The following CDC27 variants were observed in gnomAD, a reference collection of about 807,000 sequenced individuals.
CDC27 encodes cell division cycle protein 27 homolog.
Under a neutral mutation model 109.7 loss-of-function variants are expected in CDC27, and 27 were observed. The observed-to-expected ratio is 0.25, with a 90% CI of 0.18 to 0.34. The LOEUF (loss-of-function observed/expected upper bound fraction) is 0.34. Ranked by LOEUF, CDC27 falls within the 10% of genes least tolerant of loss-of-function variation. The pLI is 1.00. For synonymous variants in CDC27, 266 were observed against 333.9 expected, an observed-to-expected ratio of 0.80 and a Z score of 2.22; for missense variants, 579 against 960.2, an observed-to-expected ratio of 0.60 and a Z score of 5.25.
At chr17:47,156,286 G>A (rs550313556) in intron 7 of CDC27, among the ~76,000 whole-genome samples, 13 of 149,828 alleles carry the variant, frequency 8.7e-5, no homozygotes, top group South Asian at 2.1e-4. Flanking sequence ...CTACAGGCGC[G>A]TGCCACCACA....
intron 1 of CDC27, 63 bp downstream of exon 1, chr17:47,189,083 C>A: frequency 6.4e-7 from 1 of 1,567,970 alleles, no homozygotes; most frequent in Non-Finnish European, 8.8e-7. Flanking sequence ...GCGGAGTGGC[C>A]CTACGCTGCT....
At chr17:47,125,568 TC>T (rs562603775) in intron 16 of CDC27, among the ~76,000 whole-genome samples, 2 of 147,838 alleles carry the variant, frequency 1.4e-5, no homozygotes, top group African/African-American at 5.0e-5. Flanking sequence ...TTTTTTTTTT[TC>T]CCTGAGATGG....
chr17:47,155,364 A>G lies in CDC27; in HGVS notation c.843-578T>C, dbSNP rs11570490. 3.8e-3 allele frequency among the ~76,000 whole-genome samples: 583 copies of G among 152,066 alleles called. 1 individual carries two copies. The highest frequency in any genetic ancestry group is 0.014 in the African/African-American group (565 of 41,478). On this transcript the variant is annotated intron_variant, in intron 7 of 18. Coordinates refer to ENST00000066544, the MANE Select transcript of CDC27 (RefSeq NM_001256.6). The stretch of plus-strand genomic sequence containing the variant: ...GGGTTCAAATGATTCTTGTGCCTCA[A>G]CCCCCAAAGTACCTGGGATTACACG...
At chr17:47,165,633 T>A (rs1282960460) in intron 4 of CDC27, among the ~76,000 whole-genome samples, 1 of 152,204 alleles carries the variant, frequency 6.6e-6, no homozygotes, top group Non-Finnish European at 1.5e-5. Context: ...GTATTTTCAT[T>A]AATGTCTTTT....
chr17:47,142,850 TA>T (rs2062838471), intron 10 of CDC27, among the ~76,000 whole-genome samples: 1 of 152,182 alleles, frequency 6.6e-6, no homozygotes, highest in African/African-American at 2.4e-5. Flanking sequence ...GGTTAATTTT[TA>T]TTTTGGAAGA....
intron 14 of CDC27, among the ~76,000 whole-genome samples, chr17:47,133,010 TATATATATATATATATATAC>T (rs1388987459): frequency 1.9e-4 from 8 of 42,246 alleles, no homozygotes; most frequent in African/African-American, 5.3e-4. Flanking sequence ...TATATATATA[TATATATATATATATATATAC>T]ACACACACAC....
intron 1 of CDC27, among the ~76,000 whole-genome samples, chr17:47,188,487 C>G (rs2149029085): frequency 6.6e-6 from 1 of 152,172 alleles, no homozygotes; most frequent in Non-Finnish European, 1.5e-5. Context: ...TGCTCCTGAT[C>G]CCCATCAGAG....
intron 8 of CDC27, 141 bp from the exon 9 acceptor site, chr17:47,152,059 C>G: frequency 1.8e-6 from 1 of 548,430 alleles, no homozygotes. Context: ...CTATTTATAT[C>G]ATATTGTTAA....
chr17:47,160,509 A>G (rs915789446), intron 4 of CDC27, among the ~76,000 whole-genome samples: 1 of 152,206 alleles, frequency 6.6e-6, no homozygotes, highest in African/African-American at 2.4e-5. Flanking sequence ...TACAGGCGTG[A>G]GCCACAGCAC....
chr17:47,122,108 T>C (rs535444092), intron 18 of CDC27, among the ~76,000 whole-genome samples: 1 of 152,242 alleles, frequency 6.6e-6, no homozygotes, highest in South Asian at 2.1e-4. Flanking sequence ...TCAGAATTTA[T>C]CTTGTCAGAA....
chr17:47,171,958 T>C lies in CDC27; in HGVS notation c.210A>G (p.Gln70=), dbSNP rs144676189. Residue 70 remains glutamine (Q), a synonymous_variant, in exon 3 of 19, where the codon CAA becomes CAG. Coordinates refer to ENST00000066544, the MANE Select transcript of CDC27 (RefSeq NM_001256.6). ...LLKGHSCTTP[Q]CKYLLAKCCV... ...AACATTTTGCAAGCAGGTATTTGCA[T>C]TGCGGTGTAGTACAACTGTGTCCTT... 84 of 1,599,924 alleles carry C rather than the reference T, an allele frequency of 5.3e-5. No homozygotes were observed. Among genetic ancestry groups the C allele is most frequent in the Non-Finnish European group, 6.1e-5 (72 of 1,174,676 alleles).
intron 17 of CDC27, 118 bp downstream of exon 17, chr17:47,123,768 T>G: frequency 1.6e-6 from 1 of 617,766 alleles, no homozygotes; most frequent in East Asian, 3.3e-5. Context: ...AGCACTCAGT[T>G]CGGAGCTTTA....
chr17:47,168,146 T>C (rs529859642), intron 4 of CDC27, among the ~76,000 whole-genome samples: 4 of 152,156 alleles, frequency 2.6e-5, no homozygotes, highest in Admixed American at 6.5e-5. Context: ...TACATAGGCA[T>C]TACTGATTAA....
chr17:47,154,693 G>A lies in CDC27; in HGVS notation c.936C>T (p.Ser312=). The A allele has an allele frequency of 6.3e-7, 1 of 1,593,776 alleles. No individual in the cohort carries two copies. Among genetic ancestry groups the A allele is most frequent in the Non-Finnish European group, 8.6e-7 (1 of 1,164,024 alleles). ...TNTPPVIDVP[S]TGAPSKKSVA... ...ATACCTTTTTTGAAGGGGCTCCGGT[G>A]GATGGCACATCAATTACAGGAGGTG... is the stretch of plus-strand genomic sequence containing the variant. The change falls in exon 8 of 19, where the codon TCC becomes TCT. Residue 312 remains serine (S), a synonymous_variant. Coordinates refer to ENST00000066544, the MANE Select transcript of CDC27 (RefSeq NM_001256.6).
chr17:47,175,278 C>T (rs1054515754), intron 2 of CDC27, among the ~76,000 whole-genome samples: 15 of 152,172 alleles, frequency 9.9e-5, no homozygotes, highest in Non-Finnish European at 2.1e-4. Flanking sequence ...ACCAGATAGA[C>T]GCCTCTTCTT....
At chr17:47,143,438 G>A (rs1456973270) in intron 10 of CDC27, among the ~76,000 whole-genome samples, 1 of 152,136 alleles carries the variant, frequency 6.6e-6, no homozygotes, top group African/African-American at 2.4e-5. Flanking sequence ...AAACCCGTGT[G>A]TGTGTATGTG....
intron 8 of CDC27, 113 bp downstream of exon 8, chr17:47,154,559 A>G: frequency 1.7e-6 from 1 of 604,682 alleles, no homozygotes; most frequent in Non-Finnish European, 2.9e-6. Context: ...GGGTTCAAAT[A>G]TAAGGCAAAA....
intron 15 of CDC27, among the ~76,000 whole-genome samples, chr17:47,130,554 G>A (rs1251745524): frequency 1.3e-5 from 2 of 151,952 alleles, no homozygotes; most frequent in Non-Finnish European, 2.9e-5. Context: ...ATTCTGCTAT[G>A]CTCCTCCTTG....
intron 14 of CDC27, among the ~76,000 whole-genome samples, chr17:47,133,026 T>TACACACACAC (rs1401784751): frequency 2.2e-4 from 7 of 32,362 alleles, no homozygotes; most frequent in African/African-American, 7.9e-4. Context: ...TATATATATA[T>TACACACACAC]ATACACACAC....
Sources: gnomAD v4.1 joint callset for allele counts (sites outside exome capture counted in the v4.1 genomes callset) on GRCh38, gnomAD v4.1.1 for gene constraint, MANE v1.5 for transcripts, NCBI Gene and HGNC (gene_info 2026-07-23, HGNC 2026-07-21) for gene names.